AGPS: variants seen among roughly 807,000 people sequenced by gnomAD.
AGPS encodes alkyldihydroxyacetonephosphate synthase, peroxisomal.
A neutral mutation model predicts 90.7 loss-of-function variants in AGPS; 26 were observed. The ratio of observed to expected loss-of-function variants is 0.29; its 90% confidence interval spans 0.21 to 0.40. AGPS has a LOEUF of 0.40. Ranked by LOEUF, AGPS falls within the 10% of genes least tolerant of loss-of-function variation. The pLI, the probability that AGPS is intolerant of heterozygous loss-of-function variation, is 1.00. For missense variants in AGPS, 540 were observed against 816.1 expected (o/e 0.66, Z 4.12); for synonymous variants, 294 against 285.3 (o/e 1.03, Z -0.31).
rs60276216 is a variant in AGPS at position 177,396,948 on chromosome 2, T to TC, written c.260+3899_260+3900insC. ...AATTACTTCTTTTTCTTTTCTTTTT[T>TC]TTTTTTTTGCTATGGAGTCTTGCTC... On this transcript the variant is annotated intron_variant, in intron 1 of 19. Transcript: ENST00000264167. Among the ~76,000 whole-genome samples the TC allele has an allele frequency of 8.0e-5, 11 of 137,948 alleles. No individual in the cohort carries two copies. The South Asian group carries it at 2.2e-3, about 27-fold the overall frequency. The allele number at this position is 137,948 out of a possible 152,430, so 90.5% of individuals were successfully genotyped here. A position where few individuals can be genotyped will look rare whatever the true frequency, so the allele number is the denominator to read the frequency against.
chr2:177,524,696 A>G (rs902588181), intron 19 of AGPS, among the ~76,000 whole-genome samples: 2 of 151,986 alleles, frequency 1.3e-5, no homozygotes, highest in African/African-American at 4.8e-5. Flanking sequence ...GTATATTTGT[A>G]CTTTTTAAAA....
rs556789522 is a variant in AGPS, at chr2:177,443,463, A to G, written c.789+977A>G. Among the ~76,000 whole-genome samples the G allele has an allele frequency of 1.1e-4, 17 of 152,322 alleles. No homozygotes were observed. The East Asian group carries it at 3.3e-3, about 29-fold the overall frequency. ...TATCTGTTGCTGCTTCTTGTCATTT[A>G]ACTCTTTATCTAAGCCCTGTATGTC... On this transcript the variant is annotated intron_variant, in intron 7 of 19. Coordinates refer to ENST00000264167, the MANE Select transcript of AGPS (RefSeq NM_003659.4).
At chr2:177,471,859 A>G (rs1687633519) in intron 10 of AGPS, among the ~76,000 whole-genome samples, 1 of 152,072 alleles carries the variant, frequency 6.6e-6, no homozygotes, top group African/African-American at 2.4e-5. Flanking sequence ...TGCTATTTCC[A>G]CTGTTACTTT....
chr2:177,428,868 T>G (rs919739098), intron 2 of AGPS, among the ~76,000 whole-genome samples: 1 of 152,192 alleles, frequency 6.6e-6, no homozygotes, highest in African/African-American at 2.4e-5. Context: ...CCTGTCTTGC[T>G]AGGTTGGGGA....
chr2:177,479,055 A>T (rs554582200), intron 10 of AGPS, among the ~76,000 whole-genome samples: 4 of 152,216 alleles, frequency 2.6e-5, no homozygotes, highest in Admixed American at 2.6e-4. Flanking sequence ...CTCTCCCCAG[A>T]GAGAATCTCT....
chr2:177,427,747 C>T (rs1206683908), intron 2 of AGPS, among the ~76,000 whole-genome samples: 4 of 151,926 alleles, frequency 2.6e-5, no homozygotes, highest in African/African-American at 9.7e-5. Flanking sequence ...GTTTTAATTC[C>T]GATTACGTGA....
rs1275566916 is a variant in AGPS, at chr2:177,520,582, T to TGGTC, written c.1698-686_1698-683dup. Among the ~76,000 whole-genome samples the TGGTC allele has an allele frequency of 8.5e-5, 13 of 152,190 alleles. 1 individual carries two copies. The East Asian group carries it at 2.5e-3, about 29-fold the overall frequency. ...ACTTGCACATATGGAGCTCATTGTG[T>TGGTC]GGTCCTTTGGCAGGAAAACACGCTC... On this transcript the variant is annotated intron_variant, in intron 17 of 19. Coordinates refer to ENST00000264167, the MANE Select transcript of AGPS (RefSeq NM_003659.4).
rs3754989 is a variant in AGPS, at chr2:177,436,700, C to T, written c.442-64C>T. The T allele has an allele frequency of 0.87, 1,332,606 of 1,527,720 alleles. 582,005 individuals carry two copies. Among genetic ancestry groups the T allele is most frequent in the East Asian group, 0.97 (42,709 of 44,200 alleles). 94.6% of individuals were successfully genotyped at this position (1,527,720 alleles called of 1,614,324 possible). On this transcript the variant is annotated intron_variant, in intron 3 of 19. Coordinates refer to ENST00000264167, the MANE Select transcript of AGPS (RefSeq NM_003659.4). ...AGTCTACATTTTATAGTCATTCTCT[C>T]TAACTGAAGTACCCAAAATTCGTTG...
In AGPS at chr2:177,540,911, C is replaced by T. The variant is rs2079228936; in HGVS notation, c.*2716C>T. Reference sequence around the variant, plus strand: ...GTTGCCTTAATGTTTGGTGCAATTTCTAGTAGTGCATAAGTGAATTTAGTC... The same window carrying T: ...GTTGCCTTAATGTTTGGTGCAATTTTTAGTAGTGCATAAGTGAATTTAGTC... On this transcript the variant is annotated 3_prime_UTR_variant, in exon 20 of 20. Coordinates refer to ENST00000264167, the MANE Select transcript of AGPS (RefSeq NM_003659.4). 6.6e-6 allele frequency: 1 copy of T among 151,978 alleles called. No individual in the cohort carries two copies. The highest frequency in any genetic ancestry group is 1.5e-5 in the Non-Finnish European group (1 of 67,954). 9.4% of individuals were successfully genotyped at this position (151,978 alleles called of 1,614,324 possible). A position where few individuals can be genotyped will look rare whatever the true frequency, so the allele number is the denominator to read the frequency against.
At chr2:177,447,102 A>G (rs1686798825) in intron 8 of AGPS, among the ~76,000 whole-genome samples, 1 of 152,196 alleles carries the variant, frequency 6.6e-6, no homozygotes, top group Admixed American at 6.5e-5. Context: ...ATTTTGTTCA[A>G]CTTGGGTTAT....
At chr2:177,519,149 C>A (rs1689108090) in intron 17 of AGPS, among the ~76,000 whole-genome samples, 1 of 152,108 alleles carries the variant, frequency 6.6e-6, no homozygotes, top group Non-Finnish European at 1.5e-5. Context: ...ATTTTCAGCT[C>A]ATTTTTCCCT....
intron 14 of AGPS, among the ~76,000 whole-genome samples, chr2:177,504,007 A>G (rs957914711): frequency 1.1e-4 from 16 of 152,322 alleles, no homozygotes; most frequent in African/African-American, 3.8e-4. Context: ...TCTCGACATA[A>G]CAGAGGCAAG....
chr2:177,484,095 G>C (rs1688025974), intron 11 of AGPS, among the ~76,000 whole-genome samples: 1 of 150,942 alleles, frequency 6.6e-6, no homozygotes, highest in South Asian at 2.1e-4. Flanking sequence ...ATTAATTTCA[G>C]ACTGTTCTTA....
intron 1 of AGPS, among the ~76,000 whole-genome samples, chr2:177,418,121 G>A (rs1685839889): frequency 6.6e-6 from 1 of 152,018 alleles, no homozygotes; most frequent in Non-Finnish European, 1.5e-5. Context: ...ATATGGTAAA[G>A]TCCATTTCAT....
At chr2:177,401,403 A>G (rs1454935912) in intron 1 of AGPS, among the ~76,000 whole-genome samples, 1 of 152,228 alleles carries the variant, frequency 6.6e-6, no homozygotes, top group African/African-American at 2.4e-5. Context: ...GCTCTCATAC[A>G]TGTTTGTGTC....
chr2:177,492,158 C>A (rs892855946), intron 11 of AGPS, among the ~76,000 whole-genome samples: 1 of 152,102 alleles, frequency 6.6e-6, no homozygotes, highest in Non-Finnish European at 1.5e-5. Context: ...GATAAAGGTG[C>A]GGTAGAATGT....
At chr2:177,488,181 A>G (rs1351457608) in intron 11 of AGPS, among the ~76,000 whole-genome samples, 1 of 151,960 alleles carries the variant, frequency 6.6e-6, no homozygotes, top group Admixed American at 6.6e-5. Flanking sequence ...ATTCACATTT[A>G]ACAGATTATC....
chr2:177,499,633 C>A lies in AGPS; in HGVS notation c.1378C>A (p.Pro460Thr). ...FYITKFKGFDPNQLSVATLLF... is the reference protein window; with the variant it reads ...FYITKFKGFDTNQLSVATLLF... Reference sequence around the variant, plus strand: ...TTTTTTGTAGTTTAAAGGATTTGACCCAAATCAGCTAAGTGTAGCCACATT... The same window carrying A: ...TTTTTTGTAGTTTAAAGGATTTGACACAAATCAGCTAAGTGTAGCCACATT... The change falls in exon 14 of 20, where the codon CCA (proline) becomes ACA (threonine). Residue 460 changes from proline (P) to threonine (T), a missense_variant. Around this residue, in one of 2 missense-constraint regions of AGPS, gnomAD observed 405 missense variants for 692.1 expected, o/e 0.59. Coordinates refer to ENST00000264167, the MANE Select transcript of AGPS (RefSeq NM_003659.4). 1.2e-6 allele frequency: 2 copies of A among 1,607,866 alleles called. No homozygotes were observed. The highest frequency in any genetic ancestry group is 1.7e-5 in the Admixed American group (1 of 59,846).
intron 8 of AGPS, among the ~76,000 whole-genome samples, chr2:177,452,775 A>AT (rs539558250): frequency 2.7e-4 from 40 of 148,864 alleles, no homozygotes; most frequent in East Asian, 1.0e-3. Context: ...CCTTTTTGGG[A>AT]TTTTTTTTTA....
Sources: allele counts gnomAD v4.1 joint callset (sites outside exome capture counted in the v4.1 genomes callset), GRCh38; gene constraint gnomAD v4.1.1; regional missense constraint gnomAD v4.1.1; transcripts MANE v1.5; gene names NCBI Gene and HGNC (gene_info 2026-07-23, HGNC 2026-07-21).